OR1J2: variants seen among roughly 807,000 people sequenced by gnomAD.
OR1J2 encodes olfactory receptor 1J2.
For synonymous variants in OR1J2, 142 were observed against 99.7 expected (o/e 1.42, Z -2.52); for missense variants, 304 against 246.1 (o/e 1.24, Z -1.57).
the OR1J2 span, among the ~76,000 whole-genome samples, chr9:122,544,415 C>CT: frequency 7.0e-3 from 597 of 85,230 alleles, 6 homozygotes; most frequent in African/African-American, 0.017. Context: ...CCTCTTTTTT[C>CT]TTTTTTTTTT....
chr9:122,548,589 T>TTATATATATATATATATATATATA, the OR1J2 span, among the ~76,000 whole-genome samples: 669 of 151,094 alleles, frequency 4.4e-3, 3 homozygotes, highest in Non-Finnish European at 7.8e-3. Flanking sequence ...TTTAAAATTT[T>TTATATATATATATATATATATATA]TATATATATA....
At chr9:122,580,320 T>G in the OR1J2 span, among the ~76,000 whole-genome samples, 16,636 of 151,768 alleles carry the variant, frequency 0.11, 1,085 homozygotes, top group South Asian at 0.18. Context: ...CTAGGAAATG[T>G]ATTCTTTTTA....
At chr9:122,468,406 A>G in the OR1J2 span, among the ~76,000 whole-genome samples, 29,465 of 152,068 alleles carry the variant, frequency 0.19, 3,055 homozygotes, top group East Asian at 0.38. Context: ...CCCAACTCCT[A>G]TGTGCTTTAC....
At chr9:122,520,894 C>T in the OR1J2 span, among the ~76,000 whole-genome samples, 14 of 152,158 alleles carry the variant, frequency 9.2e-5, no homozygotes, top group Non-Finnish European at 1.3e-4. Flanking sequence ...CTATGGTCTC[C>T]GCCATCCAGT....
chr9:122,481,415 G>A, the OR1J2 span, among the ~76,000 whole-genome samples: 2 of 151,736 alleles, frequency 1.3e-5, no homozygotes, highest in Non-Finnish European at 2.9e-5. Flanking sequence ...CCACAGATGG[G>A]AGAATATATA....
the OR1J2 span, among the ~76,000 whole-genome samples, chr9:122,571,608 C>T: frequency 2.6e-4 from 39 of 148,628 alleles, 1 homozygote; most frequent in East Asian, 6.6e-3. Context: ...CCCAGCTACT[C>T]GGGAGGCTGA....
the OR1J2 span, chr9:122,477,912 G>T: frequency 1.9e-6 from 3 of 1,600,250 alleles, no homozygotes; most frequent in Non-Finnish European, 8.5e-7. Context: ...CGCTGCTCTG[G>T]TTCTCAGGGC....
the OR1J2 span, among the ~76,000 whole-genome samples, chr9:122,547,938 A>G: frequency 1.3e-5 from 2 of 152,268 alleles, no homozygotes; most frequent in Admixed American, 6.5e-5. Flanking sequence ...TTTTCTCTGT[A>G]TCCCCACCAA....
At chr9:122,458,401 G>A in the OR1J2 span, among the ~76,000 whole-genome samples, 1 of 152,066 alleles carries the variant, frequency 6.6e-6, no homozygotes, top group East Asian at 1.9e-4. Context: ...GTTTTTTATG[G>A]GGTGTATTAA....
the OR1J2 span, among the ~76,000 whole-genome samples, chr9:122,552,921 C>T: frequency 3.9e-5 from 6 of 152,048 alleles, no homozygotes; most frequent in East Asian, 1.2e-3. Flanking sequence ...TAGCCCATGC[C>T]AATTTCTCTG....
At chr9:122,468,818 C>T in the OR1J2 span, among the ~76,000 whole-genome samples, 1 of 152,200 alleles carries the variant, frequency 6.6e-6, no homozygotes, top group East Asian at 1.9e-4. Context: ...GGACTAACCT[C>T]CTATGAACCT....
chr9:122,453,941 C>T, the OR1J2 span, among the ~76,000 whole-genome samples: 91 of 152,162 alleles, frequency 6.0e-4, no homozygotes, highest in Non-Finnish European at 1.9e-4. Flanking sequence ...CAGGAATCCT[C>T]TTAGTGCTAC....
the OR1J2 span, among the ~76,000 whole-genome samples, chr9:122,501,158 A>G: frequency 6.6e-6 from 1 of 152,196 alleles, no homozygotes; most frequent in East Asian, 1.9e-4. Context: ...TATTTTAAAA[A>G]TATTTGTCTG....
chr9:122,469,519 T>C, the OR1J2 span, among the ~76,000 whole-genome samples: 1 of 152,304 alleles, frequency 6.6e-6, no homozygotes, highest in East Asian at 1.9e-4. Flanking sequence ...TATATGTTTA[T>C]CAGCTGCATG....
chr9:122,477,282 C>T, the OR1J2 span: 1 of 1,614,112 alleles, frequency 6.2e-7, no homozygotes, highest in Non-Finnish European at 8.5e-7. Flanking sequence ...CATAAGAAAC[C>T]AGGATGCACA....
At chr9:122,492,196 A>G in the OR1J2 span, among the ~76,000 whole-genome samples, 1 of 152,082 alleles carries the variant, frequency 6.6e-6, no homozygotes, top group African/African-American at 2.4e-5. Context: ...TTATTGCCAC[A>G]TAAGTCCTTG....
the OR1J2 span, among the ~76,000 whole-genome samples, chr9:122,450,931 T>G: frequency 6.6e-6 from 1 of 152,160 alleles, no homozygotes; most frequent in Non-Finnish European, 1.5e-5. Flanking sequence ...CAAAATCACC[T>G]AGTTTAGAAA....
the OR1J2 span, among the ~76,000 whole-genome samples, chr9:122,502,675 C>CTTT: frequency 6.8e-6 from 1 of 146,938 alleles, no homozygotes; most frequent in Non-Finnish European, 1.5e-5. Flanking sequence ...CAACATAGTA[C>CTTT]TTTTTTTTTT....
At chr9:122,473,090 A>G in the OR1J2 span, among the ~76,000 whole-genome samples, 6 of 152,198 alleles carry the variant, frequency 3.9e-5, no homozygotes, top group Non-Finnish European at 8.8e-5. Context: ...CTGGAAGACG[A>G]TATTCCTGTC....
Sources: allele counts gnomAD v4.1 joint callset (sites outside exome capture counted in the v4.1 genomes callset), GRCh38; gene constraint gnomAD v4.1.1; transcripts MANE v1.5; gene names NCBI Gene and HGNC (gene_info 2026-07-23, HGNC 2026-07-21).